Variants in PHACTR1 observed in about 807,000 individuals in gnomAD.
The protein encoded by PHACTR1 is RPEL repeat containing 1.
In PHACTR1, 16 loss-of-function variants were observed where a neutral mutation model predicts 69.2. The ratio of observed to expected loss-of-function variants is 0.23; its 90% CI spans 0.16 to 0.35. The LOEUF is 0.35. Among genes scored for constraint, PHACTR1 ranks in the 10% least tolerant of loss-of-function variants. PHACTR1 has a pLI of 1.00. For synonymous variants in PHACTR1, 312 were observed against 284.5 expected (o/e 1.10, Z -0.97); for missense variants, 510 against 734.7 (o/e 0.69, Z 3.54).
intron 4 of PHACTR1, among the ~76,000 whole-genome samples, chr6:12,918,897 A>G (rs958483747): frequency 6.6e-6 from 1 of 152,232 alleles, no homozygotes; most frequent in Non-Finnish European, 1.5e-5. Flanking sequence ...GTGGTAGTCC[A>G]GGAACAAGAA....
chr6:12,850,741 T>A (rs148087216), intron 4 of PHACTR1, among the ~76,000 whole-genome samples: 1 of 152,364 alleles, frequency 6.6e-6, no homozygotes, highest in African/African-American at 2.4e-5. Flanking sequence ...TTGGCATTTC[T>A]TGGCTTGTAA....
chr6:13,124,230 C>T (rs1190451097), intron 5 of PHACTR1, among the ~76,000 whole-genome samples: 1 of 152,170 alleles, frequency 6.6e-6, no homozygotes, highest in Non-Finnish European at 1.5e-5. Flanking sequence ...GAGAGTGATG[C>T]ATCCCACCCG....
At chr6:13,137,832 C>T (rs767291841) in intron 5 of PHACTR1, among the ~76,000 whole-genome samples, 6 of 152,178 alleles carry the variant, frequency 3.9e-5, no homozygotes, top group Admixed American at 2.6e-4. Context: ...TTCAGAAAGT[C>T]GGCTTGGGCC....
intron 5 of PHACTR1, among the ~76,000 whole-genome samples, chr6:13,076,524 G>A (rs771108538): frequency 3.3e-5 from 5 of 152,078 alleles, no homozygotes; most frequent in Admixed American, 6.6e-5. Context: ...ACCAACATTT[G>A]GTCTTCTGCA....
chr6:13,149,393 A>G (rs1029394885), intron 5 of PHACTR1, among the ~76,000 whole-genome samples: 4 of 152,066 alleles, frequency 2.6e-5, no homozygotes, highest in African/African-American at 4.8e-5. Flanking sequence ...TTGTGCACAG[A>G]ACCCTTTTCT....
chr6:13,230,300 C>T (rs759965845), intron 10 of PHACTR1, 107 bp downstream of exon 10: 2 of 1,532,544 alleles, frequency 1.3e-6, no homozygotes, highest in South Asian at 2.4e-5. Context: ...GCCTGTAATC[C>T]CAGCACTTTG....
At chr6:13,033,747 A>G (rs1455737747) in intron 4 of PHACTR1, among the ~76,000 whole-genome samples, 1 of 152,188 alleles carries the variant, frequency 6.6e-6, no homozygotes, top group East Asian at 1.9e-4. Flanking sequence ...TATTCTAGAA[A>G]AGAACTTTCT....
intron 5 of PHACTR1, among the ~76,000 whole-genome samples, chr6:13,067,881 T>C (rs1311854647): frequency 6.6e-6 from 1 of 152,158 alleles, no homozygotes; most frequent in Non-Finnish European, 1.5e-5. Context: ...GCTACTTACT[T>C]CTAAGATAAG....
chr6:12,798,056 A>ACACACACACACACACACG (rs1254926216), intron 4 of PHACTR1, among the ~76,000 whole-genome samples: 57 of 151,630 alleles, frequency 3.8e-4, no homozygotes, highest in African/African-American at 1.3e-3. Context: ...ACACACACAC[A>ACACACACACACACACACG]CACACACACA....
intron 4 of PHACTR1, among the ~76,000 whole-genome samples, chr6:12,806,501 A>G (rs1774345321): frequency 1.3e-5 from 2 of 152,060 alleles, no homozygotes; most frequent in Admixed American, 1.3e-4. Flanking sequence ...ATAATCTGTT[A>G]GAGAGGGGGT....
At chr6:13,009,770 G>A (rs902899771) in intron 4 of PHACTR1, among the ~76,000 whole-genome samples, 5 of 152,138 alleles carry the variant, frequency 3.3e-5, no homozygotes, top group East Asian at 1.9e-4. Flanking sequence ...TTTGCTGGCT[G>A]TAACAGGTCC....
At chr6:13,164,628 C>T (rs1180421518) in intron 6 of PHACTR1, among the ~76,000 whole-genome samples, 1 of 152,232 alleles carries the variant, frequency 6.6e-6, no homozygotes, top group Non-Finnish European at 1.5e-5. Flanking sequence ...AGGATTTTCC[C>T]TTCCAGTGCT....
rs1329553948 is a variant in PHACTR1 at position 12,790,828 on chromosome 6, GC to G, written c.250+41040del. ...TTGATGTTGAAATTCCAGGAAGAGA[GC>G]CTTGCTGGTTTAGCTTGGTCACCTG... On this transcript the variant is annotated intron_variant, in intron 4 of 14. Transcript: ENST00000332995. Among the ~76,000 whole-genome samples the G allele has an allele frequency of 2.6e-5, 4 of 152,334 alleles. No individual in the cohort carries two copies. In the South Asian group the frequency reaches 8.3e-4, roughly 32 times the overall value.
chr6:12,742,121 T>C (rs971532116), intron 3 of PHACTR1, among the ~76,000 whole-genome samples: 2 of 152,162 alleles, frequency 1.3e-5, no homozygotes, highest in East Asian at 3.8e-4. Context: ...GGAAAGCAAG[T>C]TTGTTAAGAA....
intron 4 of PHACTR1, among the ~76,000 whole-genome samples, chr6:12,838,485 T>C (rs1582016240): frequency 6.6e-6 from 1 of 152,338 alleles, no homozygotes; most frequent in Non-Finnish European, 1.5e-5. Flanking sequence ...CTTTAGAATT[T>C]CATAGAAATA....
chr6:12,934,097 C>T, intron 4 of PHACTR1: 1 of 976,970 alleles, frequency 1.0e-6, no homozygotes, highest in Middle Eastern at 3.5e-4. Context: ...AGGGAAGAAC[C>T]TTCTTGTGTC....
intron 6 of PHACTR1, among the ~76,000 whole-genome samples, chr6:13,166,695 C>T (rs1017973771): frequency 2.0e-5 from 3 of 152,064 alleles, no homozygotes; most frequent in Admixed American, 2.0e-4. Flanking sequence ...CAGATAGTGT[C>T]TTTAAGTGGT....
At chr6:12,909,991 C>T (rs189259776) in intron 4 of PHACTR1, among the ~76,000 whole-genome samples, 6 of 152,334 alleles carry the variant, frequency 3.9e-5, no homozygotes, top group Admixed American at 2.6e-4. Flanking sequence ...TGGCAAACTC[C>T]GCAGCCTTCG....
At chr6:13,186,449 C>T (rs1176647612) in intron 7 of PHACTR1, among the ~76,000 whole-genome samples, 1 of 152,160 alleles carries the variant, frequency 6.6e-6, no homozygotes, top group African/African-American at 2.4e-5. Flanking sequence ...ATTGCTAAAT[C>T]GCAACAGCAA....
Sources: gnomAD v4.1 joint callset for allele counts (sites outside exome capture counted in the v4.1 genomes callset) on GRCh38, gnomAD v4.1.1 for gene constraint, MANE v1.5 for transcripts, NCBI Gene and HGNC (gene_info 2026-07-23, HGNC 2026-07-21) for gene names.